The following ANAPC16 variants were observed in gnomAD, a reference collection of about 807,000 sequenced individuals.
ANAPC16 encodes anaphase promoting complex subunit 16.
ANAPC16 carries 6 observed loss-of-function variants against 13.1 expected under a neutral mutation model. The ratio of observed to expected loss-of-function variants is 0.46; its 90% CI spans 0.25 to 0.90. The LOEUF (loss-of-function observed/expected upper bound fraction) is 0.90. Ranked by LOEUF, ANAPC16 falls within the 40% of genes least tolerant of loss-of-function variation. The pLI, the probability that ANAPC16 is intolerant of heterozygous loss-of-function variation, is 0.18. For synonymous variants in ANAPC16, 55 were observed against 51.3 expected (o/e 1.07, Z -0.31); for missense variants, 113 against 131.1 (o/e 0.86, Z 0.67).
Position 72,233,105 on chromosome 10 carries a change from T to C in ANAPC16, c.322T>C (p.Ser108Pro). ...CGAGCAGCTGCTGGGATTCACCCCC[T>C]CTTCAGGTTGATACTGCCTGGATGG... Reference protein sequence around the residue: ...PIEQLLGFTPSSG With the variant: ...PIEQLLGFTPPSG Residue 108 changes from serine (S) to proline (P), a missense_variant, in exon 4 of 4, where the codon TCT (serine) becomes CCT (proline). Physicochemically the swap from Ser to Pro is moderately conservative, Grantham distance 74 (BLOSUM62 -1). Transcript: ENST00000299381. 1.2e-6 allele frequency: 2 copies of C among 1,614,022 alleles called. No individual in the cohort carries two copies. The highest frequency in any genetic ancestry group is 1.7e-6 in the Non-Finnish European group (2 of 1,179,952).
chr10:72,219,630 G>A (rs1036055519), intron 1 of ANAPC16, among the ~76,000 whole-genome samples: 1 of 152,124 alleles, frequency 6.6e-6, no homozygotes, highest in African/African-American at 2.4e-5. Flanking sequence ...CCAACTACTC[G>A]GGAGACTGAG....
At chr10:72,218,650 T>C (rs1859769703) in intron 1 of ANAPC16, among the ~76,000 whole-genome samples, 1 of 152,110 alleles carries the variant, frequency 6.6e-6, no homozygotes, top group African/African-American at 2.4e-5. Context: ...AGGCCAGGTG[T>C]TATGTTTGGT....
At chr10:72,230,306 T>G in intron 2 of ANAPC16, 60 bp from the exon 3 acceptor site, 1 of 1,332,948 alleles carries the variant, frequency 7.5e-7, no homozygotes, top group Non-Finnish European at 1.1e-6. Context: ...GTTTACTTGG[T>G]TTATCAGAAG....
intron 1 of ANAPC16, among the ~76,000 whole-genome samples, chr10:72,221,638 C>G (rs1859937559): frequency 6.7e-6 from 1 of 149,072 alleles, no homozygotes; most frequent in Non-Finnish European, 1.5e-5. Flanking sequence ...CTGCAACCTC[C>G]GCCTCCCAGG....
chr10:72,232,667 G>A (rs184593475), intron 3 of ANAPC16, among the ~76,000 whole-genome samples: 51 of 147,014 alleles, frequency 3.5e-4, no homozygotes, highest in East Asian at 1.1e-3. Flanking sequence ...GCAGTGGCAC[G>A]ATCTCGGCTC....
chr10:72,229,477 G>A (rs182651994), intron 2 of ANAPC16, among the ~76,000 whole-genome samples: 2 of 152,146 alleles, frequency 1.3e-5, no homozygotes. Flanking sequence ...TTGAGGCCTA[G>A]TAGTGCTAAC....
intron 1 of ANAPC16, 170 bp from the exon 2 acceptor site, chr10:72,223,718 C>A (rs1013799642): frequency 1.0e-4 from 46 of 461,802 alleles, no homozygotes; most frequent in Non-Finnish European, 1.5e-4. Context: ...CAAAACCTGA[C>A]TGATATTTTG....
intron 2 of ANAPC16, among the ~76,000 whole-genome samples, chr10:72,228,553 T>C (rs751903879): frequency 3.1e-4 from 47 of 152,222 alleles, no homozygotes; most frequent in Non-Finnish European, 6.0e-4. Context: ...CAAGGAAAGC[T>C]GATGTATTGC....
chr10:72,222,967 G>A (rs142971719), intron 1 of ANAPC16, among the ~76,000 whole-genome samples: 2,534 of 152,108 alleles, frequency 0.017, 62 homozygotes, highest in Non-Finnish European at 0.019. Flanking sequence ...CTCACAGGTA[G>A]GTGCTCTGTT....
Position 72,224,025 on chromosome 10 carries a change from C to G in ANAPC16, c.111C>G (p.Thr37=), listed in dbSNP as rs749533516. Residue 37 remains threonine, a synonymous_variant, in exon 2 of 4, where the codon ACC becomes ACG. Transcript: ENST00000299381. The stretch of plus-strand genomic sequence containing the variant: ...CCCCACCACGGAAAGCCCTTTTCAC[C>G]TACCCCAAAGGAGCTGGAGAGATGT... The part of the protein sequence containing the change: ...DLAPPRKALF[T]YPKGAGEMLE... 3.7e-6 allele frequency: 6 copies of G among 1,611,224 alleles called. No homozygotes were observed. In the Admixed American group the frequency reaches 6.7e-5, roughly 18 times the overall value.
chr10:72,219,974 G>A (rs1338331722), intron 1 of ANAPC16: 1 of 151,978 alleles, frequency 6.6e-6, no homozygotes, highest in African/African-American at 2.4e-5. Flanking sequence ...TTCCTTACTA[G>A]GAATCTGGAT....
At position 72,235,681 on chromosome 10, in the gene ANAPC16, G is replaced by A. The variant is rs557208877; in HGVS notation, c.*2565G>A. ...AAATTGGATTTTCAGTGAGAATTTAGAAGCAATCACTACCTTTCTCGTTTC... is the reference window on the plus strand; with the variant it reads ...AAATTGGATTTTCAGTGAGAATTTAAAAGCAATCACTACCTTTCTCGTTTC... On this transcript the variant is annotated 3_prime_UTR_variant, in exon 4 of 4. Coordinates refer to ENST00000299381, the MANE Select transcript of ANAPC16 (RefSeq NM_173473.4). 3.9e-5 allele frequency: 6 copies of A among 152,282 alleles called. No homozygotes were observed. Among genetic ancestry groups the A allele is most frequent in the African/African-American group, 1.4e-4 (6 of 41,562 alleles). The allele number at this position is 152,282 out of a possible 1,614,324, so 9.4% of individuals were successfully genotyped here.
intron 2 of ANAPC16, among the ~76,000 whole-genome samples, chr10:72,226,487 A>T (rs1201731820): frequency 6.6e-6 from 1 of 152,026 alleles, no homozygotes; most frequent in East Asian, 1.9e-4. Flanking sequence ...CAGCCTGGGC[A>T]ACATGACGAA....
chr10:72,221,701 G>A (rs1344277351), intron 1 of ANAPC16, among the ~76,000 whole-genome samples: 1 of 149,842 alleles, frequency 6.7e-6, no homozygotes, highest in Non-Finnish European at 1.5e-5. Context: ...TGAGACTACA[G>A]GCGCCCACCA....
At position 72,234,613 on chromosome 10, in the gene ANAPC16, G is replaced by A. The variant is rs1277757857; in HGVS notation, c.*1497G>A. On this transcript the variant is annotated 3_prime_UTR_variant, in exon 4 of 4. Coordinates refer to ENST00000299381, the MANE Select transcript of ANAPC16 (RefSeq NM_173473.4). The stretch of plus-strand genomic sequence containing the variant: ...GGTTCCTTATTAATAACTTGCATCT[G>A]ATCTGCTTAGAGTTGCTTAATTATA... 6.6e-6 allele frequency: 1 copy of A among 152,174 alleles called. No homozygotes were observed. The highest frequency in any genetic ancestry group is 1.5e-5 in the Non-Finnish European group (1 of 68,046). 9.4% of individuals were successfully genotyped at this position (152,174 alleles called of 1,614,324 possible).
Position 72,223,880 on chromosome 10 carries a change from C to G in ANAPC16, c.-27-8C>G, listed in dbSNP as rs185864453. On this transcript the variant is annotated splice_polypyrimidine_tract_variant and splice_region_variant and intron_variant, in intron 1 of 3. Transcript: ENST00000299381. The stretch of plus-strand genomic sequence containing the variant: ...AACTTGCCAATTGCTGTTTTTCTTT[C>G]TCTGTAGTGAAGTAAGAACTCTGCT... 45 of 1,499,938 alleles carry G rather than the reference C, an allele frequency of 3.0e-5. No homozygotes were observed. The East Asian group carries it at 1.1e-3, about 36-fold the overall frequency. The allele number at this position is 1,499,938 out of a possible 1,614,324, so 92.9% of individuals were successfully genotyped here.
At chr10:72,232,412 C>G (rs564299091) in intron 3 of ANAPC16, among the ~76,000 whole-genome samples, 21 of 150,714 alleles carry the variant, frequency 1.4e-4, no homozygotes, top group African/African-American at 4.1e-4. Flanking sequence ...GGCACGATGG[C>G]GGGTGCCTGT....
chr10:72,234,677 A>G lies in ANAPC16; in HGVS notation c.*1561A>G, dbSNP rs537049521. The G allele has an allele frequency of 7.2e-5, 11 of 152,346 alleles. No individual in the cohort carries two copies. The East Asian group carries it at 1.9e-3, about 27-fold the overall frequency. The allele number at this position is 152,346 out of a possible 1,614,324, so 9.4% of individuals were successfully genotyped here. ...CCAGTAGCATTTAGCCTTAATCTCA[A>G]GAGTTCAAAATGTTTAACACATTCT... On this transcript the variant is annotated 3_prime_UTR_variant, in exon 4 of 4. Coordinates refer to ENST00000299381, the MANE Select transcript of ANAPC16 (RefSeq NM_173473.4).
intron 2 of ANAPC16, among the ~76,000 whole-genome samples, chr10:72,225,191 G>A (rs535518287): frequency 6.6e-6 from 1 of 152,258 alleles, no homozygotes; most frequent in African/African-American, 2.4e-5. Flanking sequence ...GCTGAGGCAG[G>A]AGAATCACTT....
Sources: gnomAD v4.1 joint callset for allele counts (sites outside exome capture counted in the v4.1 genomes callset) on GRCh38, gnomAD v4.1.1 for gene constraint, MANE v1.5 for transcripts, NCBI Gene and HGNC (gene_info 2026-07-23, HGNC 2026-07-21) for gene names.